BCKDHB: variants seen among roughly 807,000 people sequenced by gnomAD.
BCKDHB encodes the protein branched chain keto acid dehydrogenase E1 subunit beta.
Under a neutral mutation model 48.5 loss-of-function variants are expected in BCKDHB, and 41 were observed. That is an observed-to-expected ratio of 0.85 (90% CI 0.66 to 1.10). BCKDHB has a LOEUF of 1.10. Among genes scored for constraint, BCKDHB ranks in the 50% least tolerant of loss-of-function variants. BCKDHB has a pLI of 0.00. For synonymous variants in BCKDHB, 201 were observed against 174.8 expected (o/e 1.15, Z -1.18); for missense variants, 496 against 494.2 (o/e 1.00, Z -0.03).
At chr6:80,175,229 C>G (rs58695989) in intron 6 of BCKDHB, among the ~76,000 whole-genome samples, 2,950 of 152,248 alleles carry the variant, frequency 0.019, 95 homozygotes, top group African/African-American at 0.067. Flanking sequence ...GGAAGGTATT[C>G]TCCTTCTCTT....
At chr6:80,119,077 C>T (rs1156792976) in intron 1 of BCKDHB, among the ~76,000 whole-genome samples, 1 of 152,080 alleles carries the variant, frequency 6.6e-6, no homozygotes, top group African/African-American at 2.4e-5. Flanking sequence ...ATCATCTGAG[C>T]TAAGGAGTTT....
At chr6:80,430,301 A>C in the BCKDHB span, among the ~76,000 whole-genome samples, 1 of 152,198 alleles carries the variant, frequency 6.6e-6, no homozygotes, top group Non-Finnish European at 1.5e-5. Context: ...GTTGATGTTC[A>C]TTAGGGATAT....
chr6:80,451,664 G>GGCAA, the BCKDHB span, among the ~76,000 whole-genome samples: 2 of 151,892 alleles, frequency 1.3e-5, no homozygotes, highest in African/African-American at 4.8e-5. Context: ...GGGAAGCGGA[G>GGCAA]GTTGCAATGA....
At chr6:80,229,345 G>T (rs1474397550) in intron 8 of BCKDHB, among the ~76,000 whole-genome samples, 1 of 152,212 alleles carries the variant, frequency 6.6e-6, no homozygotes, top group Non-Finnish European at 1.5e-5. Flanking sequence ...CTGCTCTCAG[G>T]TGGTGCCTTT....
the BCKDHB span, among the ~76,000 whole-genome samples, chr6:80,432,084 C>A: frequency 6.6e-6 from 1 of 152,054 alleles, no homozygotes; most frequent in African/African-American, 2.4e-5. Flanking sequence ...ATGGGCTTCC[C>A]TTTGTGGGTA....
intron 3 of BCKDHB, among the ~76,000 whole-genome samples, chr6:80,133,144 C>G (rs1770714922): frequency 6.6e-6 from 1 of 152,196 alleles, no homozygotes; most frequent in South Asian, 2.1e-4. Context: ...TGGCAGCCTA[C>G]CCTTTGAAAT....
the BCKDHB span, among the ~76,000 whole-genome samples, chr6:80,375,218 T>G: frequency 1.4e-4 from 21 of 152,222 alleles, no homozygotes; most frequent in Non-Finnish European, 1.3e-4. Flanking sequence ...CCAGGGAAGT[T>G]TTCTTGATTA....
intron 3 of BCKDHB, among the ~76,000 whole-genome samples, chr6:80,151,782 T>G (rs965058665): frequency 2.6e-5 from 4 of 152,182 alleles, no homozygotes; most frequent in Non-Finnish European, 5.9e-5. Flanking sequence ...ATAGAGCAGT[T>G]TAGGCTATTT....
chr6:80,212,614 T>TA (rs955098535), intron 8 of BCKDHB, among the ~76,000 whole-genome samples: 3 of 152,190 alleles, frequency 2.0e-5, no homozygotes, highest in Non-Finnish European at 2.9e-5. Flanking sequence ...TGAGGTGACA[T>TA]ATATCCTCAG....
chr6:80,165,879 TC>T (rs1338368983), intron 3 of BCKDHB, among the ~76,000 whole-genome samples: 3 of 152,172 alleles, frequency 2.0e-5, no homozygotes, highest in African/African-American at 7.2e-5. Flanking sequence ...AAGGATTTGA[TC>T]AGTTTTTGCA....
At chr6:80,372,365 G>T in the BCKDHB span, among the ~76,000 whole-genome samples, 2 of 151,628 alleles carry the variant, frequency 1.3e-5, no homozygotes, top group Non-Finnish European at 3.0e-5. Flanking sequence ...CTTTTCGGAT[G>T]AGTCTTTATA....
the BCKDHB span, among the ~76,000 whole-genome samples, chr6:80,436,409 G>A: frequency 6.6e-6 from 1 of 151,786 alleles, no homozygotes; most frequent in African/African-American, 2.4e-5. Context: ...TGATCCACCC[G>A]CCTTGGCCTC....
At chr6:80,359,399 T>C in the BCKDHB span, among the ~76,000 whole-genome samples, 3 of 152,168 alleles carry the variant, frequency 2.0e-5, no homozygotes, top group African/African-American at 7.2e-5. Context: ...TGCACCACCC[T>C]TCCCGTGGTG....
chr6:80,118,539 A>G (rs1769831037), intron 1 of BCKDHB, among the ~76,000 whole-genome samples: 1 of 152,020 alleles, frequency 6.6e-6, no homozygotes, highest in Non-Finnish European at 1.5e-5. Context: ...AAAAAAAGAC[A>G]ACAATGAAGT....
intron 8 of BCKDHB, among the ~76,000 whole-genome samples, chr6:80,213,706 T>G (rs1171478282): frequency 6.6e-6 from 1 of 151,666 alleles, no homozygotes; most frequent in African/African-American, 2.4e-5. Flanking sequence ...TAGAAAATGA[T>G]AGAGAAAATA....
At chr6:80,364,792 G>A in the BCKDHB span, among the ~76,000 whole-genome samples, 2 of 152,202 alleles carry the variant, frequency 1.3e-5, no homozygotes, top group Non-Finnish European at 2.9e-5. Flanking sequence ...CATACAATCA[G>A]TGAACCTGTT....
intron 3 of BCKDHB, among the ~76,000 whole-genome samples, chr6:80,148,439 C>T (rs1386294668): frequency 2.6e-5 from 4 of 152,072 alleles, no homozygotes; most frequent in Non-Finnish European, 5.9e-5. Flanking sequence ...CAAAACAGCT[C>T]AGATTTAAGA....
At chr6:80,418,797 G>C in the BCKDHB span, among the ~76,000 whole-genome samples, 15 of 152,154 alleles carry the variant, frequency 9.9e-5, no homozygotes, top group African/African-American at 3.4e-4. Flanking sequence ...TAGGGCAGCT[G>C]CAGCAGAGTG....
intron 6 of BCKDHB, among the ~76,000 whole-genome samples, chr6:80,182,066 A>G (rs1044974381): frequency 2.6e-5 from 4 of 152,026 alleles, no homozygotes; most frequent in African/African-American, 9.7e-5. Flanking sequence ...TGTTTATTTC[A>G]TATTTCTTCT....
Sources: allele counts gnomAD v4.1 joint callset (sites outside exome capture counted in the v4.1 genomes callset), GRCh38; gene constraint gnomAD v4.1.1; transcripts MANE v1.5; gene names NCBI Gene and HGNC (gene_info 2026-07-23, HGNC 2026-07-21).